Variants in METTL9 observed in about 807,000 individuals in gnomAD.
METTL9 encodes the protein methyltransferase 9, His-X-His N1(pi)-histidine.
In METTL9, 10 loss-of-function variants were observed where a neutral mutation model predicts 36.0. The observed-to-expected ratio is 0.28, with a 90% confidence interval of 0.17 to 0.47. The LOEUF is 0.47. Ranked by LOEUF, METTL9 falls within the 20% of genes least tolerant of loss-of-function variation. METTL9 has a pLI of 0.99. For synonymous variants in METTL9, 175 were observed against 149.7 expected (o/e 1.17, Z -1.23); for missense variants, 246 against 383.5 (o/e 0.64, Z 3.00).
chr16:21,615,082 C>A (rs767378908), intron 2 of METTL9, among the ~76,000 whole-genome samples: 1 of 152,142 alleles, frequency 6.6e-6, no homozygotes, highest in Non-Finnish European at 1.5e-5. Flanking sequence ...TCCCATTGCC[C>A]CCTAGAGGGC....
chr16:21,652,783 G>T, intron 4 of METTL9: 1 of 505,238 alleles, frequency 2.0e-6, no homozygotes. Flanking sequence ...AGCACATTTA[G>T]AAATGTGCAT....
At chr16:21,619,323 A>G (rs1012865601) in intron 3 of METTL9, among the ~76,000 whole-genome samples, 5 of 152,100 alleles carry the variant, frequency 3.3e-5, no homozygotes, top group African/African-American at 1.2e-4. Context: ...CCACTCCTTG[A>G]CAATACTTGC....
intron 4 of METTL9, among the ~76,000 whole-genome samples, chr16:21,636,172 C>T (rs1383200357): frequency 1.3e-5 from 2 of 152,140 alleles, no homozygotes; most frequent in Non-Finnish European, 2.9e-5. Context: ...AAGAGTGACA[C>T]CTTTTGTCCT....
At chr16:21,633,953 A>G (rs1966024452) in intron 4 of METTL9, among the ~76,000 whole-genome samples, 2 of 152,092 alleles carry the variant, frequency 1.3e-5, no homozygotes, top group Admixed American at 1.3e-4. Flanking sequence ...CTCTTCAAGT[A>G]GGGGACAACA....
At chr16:21,627,235 A>G (rs568891763) in intron 4 of METTL9, 1 of 985,370 alleles carries the variant, frequency 1.0e-6, no homozygotes, top group Admixed American at 6.1e-5. Flanking sequence ...TGCTGTGTAG[A>G]TTCATGAATG....
intron 2 of METTL9, among the ~76,000 whole-genome samples, chr16:21,613,442 G>A (rs1965483577): frequency 6.6e-6 from 1 of 151,994 alleles, no homozygotes; most frequent in Non-Finnish European, 1.5e-5. Flanking sequence ...GCCTCCCAAA[G>A]TGCTGGGATT....
chr16:21,643,540 G>T (rs1440088509), intron 4 of METTL9: 2 of 1,573,990 alleles, frequency 1.3e-6, no homozygotes, highest in South Asian at 1.1e-5. Context: ...TCAAGTGTTG[G>T]TCTGTACCTT....
intron 4 of METTL9, among the ~76,000 whole-genome samples, chr16:21,632,427 A>G (rs1480260091): frequency 6.6e-6 from 1 of 152,094 alleles, no homozygotes; most frequent in African/African-American, 2.4e-5. Context: ...ATTCTCCACA[A>G]ATGAACTTCC....
intron 1 of METTL9, among the ~76,000 whole-genome samples, chr16:21,604,770 GAA>G (rs1164414702): frequency 6.6e-6 from 1 of 152,208 alleles, no homozygotes; most frequent in Non-Finnish European, 1.5e-5. Flanking sequence ...GGCCAACTTA[GAA>G]AAGATTCTGT....
At chr16:21,643,750 C>G in intron 4 of METTL9, 1 of 593,016 alleles carries the variant, frequency 1.7e-6, no homozygotes, top group South Asian at 2.3e-5. Flanking sequence ...GATGCTTTTA[C>G]TCCATTAAAA....
intron 4 of METTL9, among the ~76,000 whole-genome samples, chr16:21,639,233 A>G (rs1294989064): frequency 1.3e-5 from 2 of 152,194 alleles, no homozygotes; most frequent in African/African-American, 4.8e-5. Context: ...TATATTCCGT[A>G]TTTCAGCTTC....
intron 4 of METTL9, among the ~76,000 whole-genome samples, chr16:21,632,504 A>AGG (rs1210334220): frequency 6.6e-6 from 1 of 152,178 alleles, no homozygotes; most frequent in Non-Finnish European, 1.5e-5. Flanking sequence ...GGGCCACATA[A>AGG]GTCTGGACTA....
chr16:21,635,799 C>G (rs1435999770), intron 4 of METTL9, among the ~76,000 whole-genome samples: 1 of 152,068 alleles, frequency 6.6e-6, no homozygotes, highest in Non-Finnish European at 1.5e-5. Flanking sequence ...TTTGTTTCTC[C>G]CCCTGCCCAA....
At chr16:21,637,349 G>A (rs1030797655) in intron 4 of METTL9, among the ~76,000 whole-genome samples, 6 of 152,026 alleles carry the variant, frequency 3.9e-5, no homozygotes, top group African/African-American at 1.5e-4. Context: ...AGTTCTCCAA[G>A]TCTGCTACCC....
chr16:21,614,532 C>G (rs1965506899), intron 2 of METTL9, among the ~76,000 whole-genome samples: 1 of 152,206 alleles, frequency 6.6e-6, no homozygotes, highest in East Asian at 1.9e-4. Flanking sequence ...CTTCTGATAC[C>G]CACCCTGCTT....
chr16:21,647,126 G>T, intron 4 of METTL9: 1 of 1,614,120 alleles, frequency 6.2e-7, no homozygotes, highest in South Asian at 1.1e-5. Flanking sequence ...AAGCCTCGCT[G>T]ACTGACCTCT....
At chr16:21,622,041 C>G (rs1282669647) in intron 3 of METTL9, among the ~76,000 whole-genome samples, 3 of 150,658 alleles carry the variant, frequency 2.0e-5, no homozygotes, top group Non-Finnish European at 4.4e-5. Context: ...TGGGGTTTCA[C>G]TGTGTTGCCC....
chr16:21,643,243 C>A (rs1244677690), intron 4 of METTL9: 2 of 951,822 alleles, frequency 2.1e-6, no homozygotes, highest in East Asian at 2.4e-5. Context: ...TGCTCTATTG[C>A]CACCGGTCCC....
chr16:21,621,546 C>G (rs1429958293), intron 3 of METTL9, among the ~76,000 whole-genome samples: 1 of 151,284 alleles, frequency 6.6e-6, no homozygotes, highest in South Asian at 2.1e-4. Context: ...AGGCTGGTCT[C>G]GAACTCCTGA....
Sources: gnomAD v4.1 joint callset for allele counts (sites outside exome capture counted in the v4.1 genomes callset) on GRCh38, gnomAD v4.1.1 for gene constraint, MANE v1.5 for transcripts, NCBI Gene and HGNC (gene_info 2026-07-23, HGNC 2026-07-21) for gene names.